Variants in LRP8 observed in about 807,000 individuals in gnomAD.
LRP8 encodes LDL receptor related protein 8, also known as low-density lipoprotein receptor-related protein 8.
LRP8 carries 46 observed loss-of-function variants against 111.6 expected under a neutral mutation model. That is an observed-to-expected ratio of 0.41 (90% CI 0.33 to 0.53). The LOEUF (loss-of-function observed/expected upper bound fraction) is 0.53, where lower values mean the gene tolerates loss of function less well. Among genes scored for constraint, LRP8 ranks in the 20% least tolerant of loss-of-function variants. The probability of loss-of-function intolerance (pLI) is 0.20; values close to 1 mark genes in which losing one functional copy is unlikely to be tolerated. For missense variants in LRP8, 959 were observed against 1,297.4 expected (o/e 0.74, Z 4.01); for synonymous variants, 464 against 511.2 (o/e 0.91, Z 1.24).
intron 2 of LRP8, among the ~76,000 whole-genome samples, chr1:53,298,156 C>T (rs1240994307): frequency 2.0e-5 from 3 of 152,232 alleles, no homozygotes; most frequent in Admixed American, 1.3e-4. Context: ...CCCAGTACAT[C>T]CCAGCTGCTC....
intron 2 of LRP8, chr1:53,292,220 T>C (rs919690486): frequency 1.3e-5 from 2 of 152,244 alleles, no homozygotes; most frequent in African/African-American, 4.8e-5. Flanking sequence ...AGTGGAATCT[T>C]TGCAGTACAT....
chr1:53,277,706 C>T (rs1283319512), intron 4 of LRP8, among the ~76,000 whole-genome samples: 1 of 152,244 alleles, frequency 6.6e-6, no homozygotes, highest in African/African-American at 2.4e-5. Flanking sequence ...GATGAGCTCT[C>T]ATCTTCCAAG....
intron 3 of LRP8, among the ~76,000 whole-genome samples, chr1:53,288,938 G>A (rs374977261): frequency 7.9e-5 from 12 of 152,166 alleles, no homozygotes; most frequent in African/African-American, 2.9e-4. Context: ...CAGGCCTGGG[G>A]CTCAGCTCTG....
At chr1:53,309,772 T>A (rs1442864530) in intron 2 of LRP8, among the ~76,000 whole-genome samples, 3 of 152,122 alleles carry the variant, frequency 2.0e-5, no homozygotes, top group African/African-American at 2.4e-5. Flanking sequence ...TCAGGATGGA[T>A]TCCACCTCCG....
In LRP8 at chr1:53,280,677, G is replaced by T. The variant is rs1456452985; in HGVS notation, c.406C>A (p.Pro136Thr). The T allele has an allele frequency of 6.2e-7, 1 of 1,612,658 alleles. No homozygotes were observed. Among genetic ancestry groups the T allele is most frequent in the East Asian group, 2.2e-5 (1 of 44,894 alleles). The change falls in exon 4 of 19, where the codon CCC becomes ACC. Residue 136 changes from proline (P) to threonine (T), a missense_variant. By Grantham distance (38) the Pro-to-Thr change is conservative. Around this residue, in one of 3 missense-constraint regions of LRP8, gnomAD observed 43 missense variants for 92.4 expected, o/e 0.47. Transcript: ENST00000306052. ...GCAGGTACACACTTGTGGCTGGTGG[G>T]TCCACAGCTCAGCTTCTCTGCAGGA... ...VCPAEKLSCG[P>T]TSHKCVPASW...
At position 53,276,807 on chromosome 1, in the gene LRP8, G is replaced by T; in HGVS notation, c.768C>A (p.Pro256=). Residue 256 remains proline, a synonymous_variant, in exon 5 of 19, where the codon CCC becomes CCA. Transcript: ENST00000306052. ...GRPGPGATSA[P]AACATASQFA... ...ACTGGGAGGCGGTGGCGCAGGCGGC[G>T]GGCGCGGACGTGGCCCCGGGGCCCG... 1 of 1,270,698 alleles carries T rather than the reference G, an allele frequency of 7.9e-7. No homozygotes were observed. The highest frequency in any genetic ancestry group is 9.9e-7 in the Non-Finnish European group (1 of 1,005,044). 78.7% of individuals were successfully genotyped at this position (1,270,698 alleles called of 1,614,324 possible).
At chr1:53,312,525 A>ATT (rs568797655) in intron 2 of LRP8, among the ~76,000 whole-genome samples, 18 of 145,704 alleles carry the variant, frequency 1.2e-4, no homozygotes, top group African/African-American at 4.0e-4. Flanking sequence ...CACCTGGCTA[A>ATT]TTTTTTTTTT....
At chr1:53,248,422 T>A (rs2100333232) in intron 18 of LRP8, among the ~76,000 whole-genome samples, 1 of 152,130 alleles carries the variant, frequency 6.6e-6, no homozygotes, top group South Asian at 2.1e-4. Context: ...GAGAGACAGG[T>A]TGTTGAGAAT....
At chr1:53,315,205 A>G (rs956263380) in intron 2 of LRP8, among the ~76,000 whole-genome samples, 4 of 152,170 alleles carry the variant, frequency 2.6e-5, no homozygotes, top group Non-Finnish European at 4.4e-5. Context: ...AAACTGGGCC[A>G]GCAAGTGACA....
At position 53,275,139 on chromosome 1, in the gene LRP8, T is replaced by C. The variant is rs1000300383; in HGVS notation, c.1006+492A>G. On this transcript the variant is annotated intron_variant, in intron 6 of 18. Transcript: ENST00000306052. The surrounding 1 kb of genome is among the most constrained non-coding windows in gnomAD (Gnocchi z 4.4). ...CTTAGAGGCTGGACTGATCATCTCC[T>C]GGGGGGACTTTGCCCCATGGACCCC... 3.3e-5 allele frequency among the ~76,000 whole-genome samples: 5 copies of C among 152,294 alleles called. No individual in the cohort carries two copies. The highest frequency in any genetic ancestry group is 9.6e-5 in the African/African-American group (4 of 41,564).
rs548140960 is a variant in LRP8, at chr1:53,264,277, G to A, written c.1547C>T (p.Ser516Leu). 5 of 1,614,150 alleles carry A rather than the reference G, an allele frequency of 3.1e-6. No homozygotes were observed. The highest frequency in any genetic ancestry group is 1.3e-5 in the African/African-American group (1 of 75,042). The change falls in exon 10 of 19, where the codon TCG (serine) becomes TTG (leucine). Residue 516 changes from serine (S) to leucine (L), a missense_variant. Coordinates refer to ENST00000306052, the MANE Select transcript of LRP8 (RefSeq NM_004631.5). ...GGCCACTGAGATGGTCTTATTGCCC[G>A]AGTCAGTCCAGTAGATGTGCTTGTG... ...WVHKHIYWTD[S>L]GNKTISVATV...
chr1:53,277,284 T>C (rs1646956663), intron 4 of LRP8, among the ~76,000 whole-genome samples: 1 of 152,208 alleles, frequency 6.6e-6, no homozygotes, highest in African/African-American at 2.4e-5. Context: ...CACCTGCCCT[T>C]TGTGAGCCCC....
At chr1:53,267,412 C>G (rs976483597) in intron 8 of LRP8, 1 of 152,002 alleles carries the variant, frequency 6.6e-6, no homozygotes, top group Non-Finnish European at 1.5e-5. Flanking sequence ...GTTAAGGCTG[C>G]AGTGAGCCAT....
chr1:53,283,542 G>A (rs1364515823), intron 3 of LRP8, among the ~76,000 whole-genome samples: 2 of 111,664 alleles, frequency 1.8e-5, no homozygotes, highest in South Asian at 3.0e-4. Flanking sequence ...CTACATACCC[G>A]GGCCACTTAC....
rs975170790 is a variant in LRP8, at chr1:53,289,495, C to T, written c.367+72G>A. ...TCAACTGGTTACCTCTCCTGAGCCT[C>T]ACAGCCTCTCAAGGAAGATCTGAGG... On this transcript the variant is annotated intron_variant, in intron 3 of 18. Transcript: ENST00000306052. The T allele has an allele frequency of 1.0e-5, 16 of 1,529,100 alleles. No individual in the cohort carries two copies. In the African/African-American group the frequency reaches 2.2e-4, roughly 21 times the overall value. 94.7% of individuals were successfully genotyped at this position (1,529,100 alleles called of 1,614,324 possible).
At position 53,266,194 on chromosome 1, in the gene LRP8, A is replaced by G. The variant is rs185473056; in HGVS notation, c.1427+279T>C. ...GATTTCTTCCTTTCTGCCCTGGCCA[A>G]ACAGTTCCTGTGTCTTGTGCTTCCA... is the stretch of plus-strand genomic sequence containing the variant. On this transcript the variant is annotated intron_variant, in intron 9 of 18. Transcript: ENST00000306052. The surrounding 1 kb of genome is among the most constrained non-coding windows in gnomAD (Gnocchi z 5.0). 6.6e-6 allele frequency among the ~76,000 whole-genome samples: 1 copy of G among 152,280 alleles called. No individual in the cohort carries two copies. The highest frequency in any genetic ancestry group is 1.5e-5 in the Non-Finnish European group (1 of 68,024).
intron 2 of LRP8, among the ~76,000 whole-genome samples, chr1:53,324,777 C>T (rs1654934898): frequency 6.6e-6 from 1 of 152,158 alleles, no homozygotes; most frequent in Non-Finnish European, 1.5e-5. Flanking sequence ...ACGCACCAGG[C>T]CTAACATTTA....
intron 2 of LRP8, among the ~76,000 whole-genome samples, chr1:53,325,022 G>T (rs1190032684): frequency 6.6e-6 from 1 of 152,230 alleles, no homozygotes; most frequent in South Asian, 2.1e-4. Flanking sequence ...AAGGACAGTT[G>T]TTATAAAGAG....
At chr1:53,269,181 C>G (rs1646679931) in intron 8 of LRP8, among the ~76,000 whole-genome samples, 4 of 152,232 alleles carry the variant, frequency 2.6e-5, no homozygotes. Context: ...CCTTGCTATT[C>G]CTTGAACATA....
Sources: allele counts gnomAD v4.1 joint callset (sites outside exome capture counted in the v4.1 genomes callset), GRCh38; gene constraint gnomAD v4.1.1; regional missense constraint gnomAD v4.1.1; non-coding constraint Gnocchi (gnomAD v3.1); transcripts MANE v1.5; gene names NCBI Gene and HGNC (gene_info 2026-07-23, HGNC 2026-07-21).